Variants in CCSER1 observed in about 807,000 individuals in gnomAD.
The protein encoded by CCSER1 is serine-rich coiled-coil domain-containing protein 1.
Under a neutral mutation model 82.0 loss-of-function variants are expected in CCSER1, and 41 were observed. The ratio of observed to expected loss-of-function variants is 0.50; its 90% CI spans 0.39 to 0.65. The LOEUF (loss-of-function observed/expected upper bound fraction) is 0.65. Ranked by LOEUF, CCSER1 falls within the 30% of genes least tolerant of loss-of-function variation. CCSER1 has a pLI of 0.00. For missense variants in CCSER1, 1,119 were observed against 1,064.2 expected, an observed-to-expected ratio of 1.05 and a Z score of -0.72; for synonymous variants, 414 against 383.9, an observed-to-expected ratio of 1.08 and a Z score of -0.92.
chr4:91,526,938 A>G (rs1414259050), intron 10 of CCSER1, among the ~76,000 whole-genome samples: 2 of 125,196 alleles, frequency 1.6e-5, no homozygotes, highest in Non-Finnish European at 3.3e-5. Flanking sequence ...TTCTCATTTC[A>G]ACTTCAGGAA....
At chr4:91,211,148 G>A (rs1203986909) in intron 10 of CCSER1, among the ~76,000 whole-genome samples, 3 of 151,926 alleles carry the variant, frequency 2.0e-5, no homozygotes, top group Admixed American at 6.6e-5. Context: ...CAAGGTACTC[G>A]GAGTGAAGAT....
intron 6 of CCSER1, among the ~76,000 whole-genome samples, chr4:90,675,605 C>A: frequency 2.5e-5 from 1 of 40,608 alleles, no homozygotes; most frequent in Non-Finnish European, 5.0e-5. Flanking sequence ...ACTTTGTTAA[C>A]ACACATGATC....
chr4:91,561,053 A>T (rs901472619), intron 10 of CCSER1, among the ~76,000 whole-genome samples: 3 of 151,398 alleles, frequency 2.0e-5, no homozygotes, highest in African/African-American at 7.3e-5. Flanking sequence ...GTAAAGCTTT[A>T]AAATTCCAAG....
chr4:91,325,157 CTCT>C (rs1746465953), intron 10 of CCSER1: 1 of 455,934 alleles, frequency 2.2e-6, no homozygotes, highest in Non-Finnish European at 4.4e-6. Flanking sequence ...AGCAGTGGTC[CTCT>C]TTTTCTGTCT....
intron 3 of CCSER1, among the ~76,000 whole-genome samples, chr4:90,378,553 G>A (rs1748718710): frequency 6.6e-6 from 1 of 152,096 alleles, no homozygotes; most frequent in African/African-American, 2.4e-5. Flanking sequence ...TATCCTTAGT[G>A]GCTTTTGGAA....
chr4:91,588,766 A>C (rs999245385), intron 10 of CCSER1, among the ~76,000 whole-genome samples: 2 of 151,768 alleles, frequency 1.3e-5, no homozygotes, highest in Non-Finnish European at 2.9e-5. Flanking sequence ...ATGTCCCCTG[A>C]ATTTCCTTAA....
chr4:90,618,027 G>A (rs1721622199), intron 5 of CCSER1, among the ~76,000 whole-genome samples: 1 of 151,918 alleles, frequency 6.6e-6, no homozygotes, highest in Non-Finnish European at 1.5e-5. Flanking sequence ...TGGAAAATCT[G>A]TTTCTAGTTG....
At chr4:90,729,827 G>T (rs914991991) in intron 7 of CCSER1, among the ~76,000 whole-genome samples, 4 of 152,214 alleles carry the variant, frequency 2.6e-5, no homozygotes, top group Non-Finnish European at 5.9e-5. Context: ...AGTGAGCGGA[G>T]ATAGCACCAC....
At position 91,601,131 on chromosome 4, in the gene CCSER1, T is replaced by C. The variant is rs1156379202; in HGVS notation, c.*2074T>C. The C allele has an allele frequency of 1.3e-5, 2 of 152,058 alleles. No individual in the cohort carries two copies. The highest frequency in any genetic ancestry group is 4.8e-5 in the African/African-American group (2 of 41,426). The allele number at this position is 152,058 out of a possible 1,614,324, so 9.4% of individuals were successfully genotyped here. A position where few individuals can be genotyped will look rare whatever the true frequency, so the allele number is the denominator to read the frequency against. ...AAGAACTATGTATCACAAATAATGT[T>C]TTTGATTTGGACTTTTGGAGTTGAT... On this transcript the variant is annotated 3_prime_UTR_variant, in exon 11 of 11. Transcript: ENST00000509176.
intron 10 of CCSER1, among the ~76,000 whole-genome samples, chr4:91,261,145 A>T (rs1741098821): frequency 6.6e-6 from 1 of 152,152 alleles, no homozygotes; most frequent in South Asian, 2.1e-4. Flanking sequence ...TGGTACCAAC[A>T]CATGGCAATT....
chr4:91,188,402 A>G (rs1423524152), intron 10 of CCSER1, among the ~76,000 whole-genome samples: 1 of 152,004 alleles, frequency 6.6e-6, no homozygotes, highest in African/African-American at 2.4e-5. Flanking sequence ...AAGTTATTCA[A>G]AACTTCTGCT....
chr4:91,252,107 T>C (rs1740302964), intron 10 of CCSER1, among the ~76,000 whole-genome samples: 1 of 152,146 alleles, frequency 6.6e-6, no homozygotes, highest in Non-Finnish European at 1.5e-5. Flanking sequence ...ATATGTGGGA[T>C]CTTCAATAAA....
At chr4:91,591,842 A>T (rs1309878444) in intron 10 of CCSER1, among the ~76,000 whole-genome samples, 1 of 152,066 alleles carries the variant, frequency 6.6e-6, no homozygotes, top group Non-Finnish European at 1.5e-5. Context: ...CTTTCAATTC[A>T]TTTTCTACAG....
chr4:90,803,551 T>A (rs1051127311), intron 7 of CCSER1, among the ~76,000 whole-genome samples: 7 of 152,238 alleles, frequency 4.6e-5, no homozygotes, highest in African/African-American at 1.7e-4. Flanking sequence ...TCATCCTTTT[T>A]TATGGCTGCA....
At chr4:91,090,505 A>T (rs1723834165) in intron 10 of CCSER1, among the ~76,000 whole-genome samples, 1 of 152,206 alleles carries the variant, frequency 6.6e-6, no homozygotes, top group Middle Eastern at 3.2e-3. Flanking sequence ...TTACTACAGG[A>T]TGAGTGAATT....
chr4:90,813,148 T>G (rs62309547), intron 7 of CCSER1, among the ~76,000 whole-genome samples: 50,817 of 152,056 alleles, frequency 0.33, 8,637 homozygotes, highest in East Asian at 0.42. Context: ...GCCTGTAAAA[T>G]CAAAAGCAAG....
intron 10 of CCSER1, among the ~76,000 whole-genome samples, chr4:91,176,886 C>T (rs28791496): frequency 0.014 from 2,070 of 152,238 alleles, 31 homozygotes; most frequent in African/African-American, 0.037. Context: ...GAGGGCATCC[C>T]GGTCTTGTGC....
In CCSER1 at chr4:90,346,159, T is replaced by A. The variant is rs1742295938; in HGVS notation, c.1509+33112T>A. ...AAATAATGGATGCCGCTTGGACTAA[T>A]GGTTATAGAAGCTGTTACATAAAGA... On this transcript the variant is annotated intron_variant, in intron 3 of 10. Transcript: ENST00000509176. 2.6e-5 allele frequency among the ~76,000 whole-genome samples: 4 copies of A among 152,270 alleles called. No homozygotes were observed. In the South Asian group the frequency reaches 6.2e-4, roughly 24 times the overall value.
intron 10 of CCSER1, among the ~76,000 whole-genome samples, chr4:91,456,027 A>G (rs1166742921): frequency 6.6e-6 from 1 of 152,062 alleles, no homozygotes; most frequent in East Asian, 1.9e-4. Flanking sequence ...TGTCTTAGTC[A>G]GTTTGGGCTG....
Sources: gnomAD v4.1 joint callset for allele counts (sites outside exome capture counted in the v4.1 genomes callset) on GRCh38, gnomAD v4.1.1 for gene constraint, MANE v1.5 for transcripts, NCBI Gene and HGNC (gene_info 2026-07-23, HGNC 2026-07-21) for gene names.